ATG16L1: variants seen among roughly 807,000 people sequenced by gnomAD.
ATG16L1 encodes autophagy related 16 like 1.
A neutral mutation model predicts 88.5 loss-of-function variants in ATG16L1; 37 were observed. That is an observed-to-expected ratio of 0.42 (90% CI 0.32 to 0.55). The LOEUF (loss-of-function observed/expected upper bound fraction) is 0.55, where lower values mean the gene tolerates loss of function less well. Ranked by LOEUF, ATG16L1 falls within the 20% of genes least tolerant of loss-of-function variation. The pLI is 0.13. For synonymous variants in ATG16L1, 301 were observed against 281.0 expected (o/e 1.07, Z -0.71); for missense variants, 554 against 752.8 (o/e 0.74, Z 3.09).
chr2:233,290,094 T>G (rs1699363521), intron 13 of ATG16L1, 120 bp downstream of exon 13: 3 of 1,534,462 alleles, frequency 2.0e-6, no homozygotes, highest in Non-Finnish European at 2.7e-6. Context: ...TGGCTTCATG[T>G]TTAGAGGGGC....
At chr2:233,285,263 T>G (rs1020505229) in intron 12 of ATG16L1, among the ~76,000 whole-genome samples, 1 of 125,822 alleles carries the variant, frequency 7.9e-6, no homozygotes, top group African/African-American at 3.4e-5. Context: ...GCCTACAGCC[T>G]TTTTTTTATG....
Position 233,277,240 on chromosome 2 carries a change from G to C in ATG16L1, c.955-328G>C, listed in dbSNP as rs376510466. ...TCAGTCTGGACCAAAATTAATTCTA[G>C]GTTTACTTTTAAACTATTAAGATAA... On this transcript the variant is annotated intron_variant, in intron 9 of 17. Coordinates refer to ENST00000392017, the MANE Select transcript of ATG16L1 (RefSeq NM_030803.7). The C allele has an allele frequency of 1.6e-3, 293 of 183,248 alleles. 2 individuals are homozygous for C. Among genetic ancestry groups the C allele is most frequent in the South Asian group, 5.6e-3 (49 of 8,734 alleles). The allele number at this position is 183,248 out of a possible 1,614,324, so 11.4% of individuals were successfully genotyped here.
At chr2:233,270,355 T>C (rs1434545305) in intron 6 of ATG16L1, among the ~76,000 whole-genome samples, 2 of 152,258 alleles carry the variant, frequency 1.3e-5, no homozygotes, top group Non-Finnish European at 2.9e-5. Context: ...TGCTGGCTTC[T>C]AATTTCTCAC....
intron 5 of ATG16L1, among the ~76,000 whole-genome samples, chr2:233,265,406 A>G (rs1006867142): frequency 6.6e-6 from 1 of 152,268 alleles, no homozygotes; most frequent in African/African-American, 2.4e-5. Context: ...CTAATGCACA[A>G]GAAGACTATA....
rs1697453632 is a variant in ATG16L1, at chr2:233,264,759, G to A, written c.390-133G>A. On this transcript the variant is annotated intron_variant, in intron 4 of 17. Coordinates refer to ENST00000392017, the MANE Select transcript of ATG16L1 (RefSeq NM_030803.7). ...GTTTCCTCTCCTAATGGATTATCCT[G>A]TAAACCATGGGGATGGGCCTGGCTA... 8.2e-6 allele frequency: 10 copies of A among 1,213,666 alleles called. No individual in the cohort carries two copies. The Middle Eastern group carries it at 1.1e-3, about 139-fold the overall frequency. 75.2% of individuals were successfully genotyped at this position (1,213,666 alleles called of 1,614,324 possible). A position where few individuals can be genotyped will look rare whatever the true frequency, so the allele number is the denominator to read the frequency against.
intron 3 of ATG16L1, 74 bp from the exon 4 acceptor site, chr2:233,263,918 C>T (rs1272648124): frequency 1.9e-5 from 27 of 1,414,978 alleles, no homozygotes; most frequent in Non-Finnish European, 2.3e-5. Flanking sequence ...AAAAATAAAT[C>T]GCCACCCACT....
intron 5 of ATG16L1, among the ~76,000 whole-genome samples, chr2:233,267,035 G>T (rs1697649917): frequency 6.6e-6 from 1 of 152,128 alleles, no homozygotes. Context: ...TACTGTAAAT[G>T]GATATAAAAA....
At chr2:233,265,280 C>T in intron 5 of ATG16L1, 137 bp downstream of exon 5, 1 of 1,103,086 alleles carries the variant, frequency 9.1e-7, no homozygotes, top group Non-Finnish European at 1.3e-6. Context: ...AGGAGAAAAG[C>T]TAATTCTGAA....
At chr2:233,274,095 T>TA (rs1269370417) in intron 8 of ATG16L1, 1 of 1,489,930 alleles carries the variant, frequency 6.7e-7, no homozygotes, top group Non-Finnish European at 9.1e-7. Context: ...CCTTAACAAT[T>TA]ATGCCAATCA....
intron 5 of ATG16L1, among the ~76,000 whole-genome samples, chr2:233,267,343 T>C (rs78539102): frequency 0.066 from 9,994 of 152,292 alleles, 380 homozygotes; most frequent in Non-Finnish European, 0.072. Flanking sequence ...AGCAAGACTC[T>C]GCCTCAAAAG....
chr2:233,288,135 T>C (rs749822930), intron 12 of ATG16L1, among the ~76,000 whole-genome samples: 5 of 152,140 alleles, frequency 3.3e-5, no homozygotes, highest in Non-Finnish European at 5.9e-5. Context: ...GAATGTGGGA[T>C]AAGGCAGTCT....
Position 233,263,066 on chromosome 2 carries a change from G to A in ATG16L1, c.210-64G>A, listed in dbSNP as rs1697328032. 11 of 1,367,098 alleles carry A rather than the reference G, an allele frequency of 8.0e-6. No homozygotes were observed. In the South Asian group the frequency reaches 1.1e-4, roughly 13 times the overall value. 84.7% of individuals were successfully genotyped at this position (1,367,098 alleles called of 1,614,324 possible). A position where few individuals can be genotyped will look rare whatever the true frequency, so the allele number is the denominator to read the frequency against. ...TTCATTGCCTAATTGGAAAGGTTTGGAGTCTCATTTTTCCCCCTCCGTTTT... is the reference window on the plus strand; with the variant it reads ...TTCATTGCCTAATTGGAAAGGTTTGAAGTCTCATTTTTCCCCCTCCGTTTT... On this transcript the variant is annotated intron_variant, in intron 2 of 17. Transcript: ENST00000392017.
In ATG16L1 at chr2:233,290,804, A is replaced by G. The variant is rs1457583565; in HGVS notation, c.1430+451A>G. ...TGAGTGTGTGTCTGGTGGCTGATAC[A>G]TGGCAAGTGAGCAGGAAACAGGGCA... is the stretch of plus-strand genomic sequence containing the variant. On this transcript the variant is annotated intron_variant, in intron 14 of 17. Coordinates refer to ENST00000392017, the MANE Select transcript of ATG16L1 (RefSeq NM_030803.7). 6.6e-4 allele frequency among the ~76,000 whole-genome samples: 100 copies of G among 152,184 alleles called. 1 individual carries two copies. Among genetic ancestry groups the G allele is most frequent in the Admixed American group, 6.5e-3 (100 of 15,276 alleles).
chr2:233,282,422 G>C (rs1364263635), intron 11 of ATG16L1, among the ~76,000 whole-genome samples: 1 of 152,138 alleles, frequency 6.6e-6, no homozygotes, highest in Non-Finnish European at 1.5e-5. Context: ...AAAGTGAGTA[G>C]GGAAGGCTGG....
At position 233,273,818 on chromosome 2, in the gene ATG16L1, T is replaced by TA. The variant is rs202032029; in HGVS notation, c.851+42dup. 2.9e-3 allele frequency: 4,634 copies of TA among 1,590,138 alleles called. 114 individuals carry two copies. In the African/African-American group the frequency reaches 0.055, roughly 19 times the overall value. On this transcript the variant is annotated intron_variant, in intron 8 of 17. Coordinates refer to ENST00000392017, the MANE Select transcript of ATG16L1 (RefSeq NM_030803.7). ...TTTCCTTTTTAAATGTGTATAAGTA[T>TA]ACCTAAGTATATGTACATGACTTAT...
chr2:233,293,338 G>T lies in ATG16L1; in HGVS notation c.1711G>T (p.Val571Phe). 6.2e-7 allele frequency: 1 copy of T among 1,614,142 alleles called. No individual in the cohort carries two copies. Among genetic ancestry groups the T allele is most frequent in the Non-Finnish European group, 8.5e-7 (1 of 1,180,024 alleles). The change falls in exon 17 of 18, where the codon GTT becomes TTT. Residue 571 changes from valine (V) to phenylalanine (F), a missense_variant. Transcript: ENST00000392017. The part of the protein sequence containing the change: ...WSVLTGKVEK[V>F]LSKQHSSSIN... ...TGTGCTCACAGGGAAAGTGGAAAAG[G>T]TTCTTTCAAAGCAGCACAGGTAAGA...
At chr2:233,274,849 T>G (rs1356546361) in intron 9 of ATG16L1, 71 bp downstream of exon 9, 1 of 1,118,638 alleles carries the variant, frequency 8.9e-7, no homozygotes, top group Non-Finnish European at 1.3e-6. Flanking sequence ...AAAGGGTCCT[T>G]TCTAGGCCTG....
intron 11 of ATG16L1, among the ~76,000 whole-genome samples, chr2:233,282,115 T>C (rs1182822494): frequency 6.6e-6 from 1 of 152,112 alleles, no homozygotes; most frequent in Non-Finnish European, 1.5e-5. Flanking sequence ...TGTGGAGACT[T>C]GAGAGATTTT....
chr2:233,284,799 G>A (rs1302295550), intron 12 of ATG16L1, among the ~76,000 whole-genome samples: 1 of 152,216 alleles, frequency 6.6e-6, no homozygotes, highest in Non-Finnish European at 1.5e-5. Flanking sequence ...TACAAGGGAG[G>A]TGGAGGAGCT....
Sources: allele counts gnomAD v4.1 joint callset (sites outside exome capture counted in the v4.1 genomes callset), GRCh38; gene constraint gnomAD v4.1.1; transcripts MANE v1.5; gene names NCBI Gene and HGNC (gene_info 2026-07-23, HGNC 2026-07-21).